The following NOL4 variants were observed in gnomAD, a reference collection of about 807,000 sequenced individuals.
NOL4 encodes cancer/testis antigen 125.
In NOL4, 17 loss-of-function variants were observed where a neutral mutation model predicts 75.9. The observed-to-expected ratio is 0.22, with a 90% CI of 0.15 to 0.34. The LOEUF (loss-of-function observed/expected upper bound fraction) is 0.34, where lower values mean the gene tolerates loss of function less well. Ranked by LOEUF, NOL4 falls within the 10% of genes least tolerant of loss-of-function variation. The probability of loss-of-function intolerance (pLI) is 1.00; values close to 1 mark genes in which losing one functional copy is unlikely to be tolerated. For missense variants in NOL4, 614 were observed against 793.5 expected (o/e 0.77, Z 2.72); for synonymous variants, 292 against 289.9 (o/e 1.01, Z -0.07).
chr18:33,964,374 C>T (rs543488011), intron 6 of NOL4, among the ~76,000 whole-genome samples: 12 of 151,584 alleles, frequency 7.9e-5, no homozygotes, highest in South Asian at 2.1e-4. Context: ...TGATCTAGCA[C>T]TGTGTGTCTT....
chr18:33,918,174 A>G (rs965031123), intron 9 of NOL4, among the ~76,000 whole-genome samples: 1 of 152,226 alleles, frequency 6.6e-6, no homozygotes, highest in African/African-American at 2.4e-5. Flanking sequence ...CAAAATGAGT[A>G]CTGATAGATT....
chr18:33,952,057 T>C (rs2069270130), intron 8 of NOL4, among the ~76,000 whole-genome samples: 1 of 152,200 alleles, frequency 6.6e-6, no homozygotes, highest in African/African-American at 2.4e-5. Flanking sequence ...TTCAGGTACC[T>C]GGAAATTTCC....
chr18:33,909,469 G>A (rs570349828), intron 9 of NOL4, among the ~76,000 whole-genome samples: 121 of 152,122 alleles, frequency 8.0e-4, no homozygotes, highest in South Asian at 3.5e-3. Context: ...CATTATATCC[G>A]AAACTGTGCA....
intron 6 of NOL4, among the ~76,000 whole-genome samples, chr18:33,981,758 A>G (rs2071980147): frequency 6.6e-6 from 1 of 152,146 alleles, no homozygotes; most frequent in African/African-American, 2.4e-5. Context: ...CATTAGAGGA[A>G]GCATAAGTGG....
At chr18:34,005,562 A>G (rs62097841) in intron 6 of NOL4, among the ~76,000 whole-genome samples, 6 of 151,916 alleles carry the variant, frequency 3.9e-5, no homozygotes, top group Non-Finnish European at 7.4e-5. Context: ...AAACTCCATA[A>G]TCTCAAAACT....
intron 1 of NOL4, among the ~76,000 whole-genome samples, chr18:34,168,894 G>A (rs1213213473): frequency 6.6e-6 from 1 of 151,608 alleles, no homozygotes; most frequent in African/African-American, 2.4e-5. Flanking sequence ...AAACAAGATA[G>A]ATATGACAAG....
chr18:33,983,651 CAT>C (rs1477134426), intron 6 of NOL4, among the ~76,000 whole-genome samples: 12 of 148,798 alleles, frequency 8.1e-5, no homozygotes, highest in Admixed American at 6.7e-4. Flanking sequence ...TGTATATACA[CAT>C]ATACACATAT....
intron 5 of NOL4, among the ~76,000 whole-genome samples, chr18:34,067,377 G>A (rs1029283704): frequency 6.6e-5 from 10 of 152,106 alleles, no homozygotes; most frequent in African/African-American, 1.9e-4. Context: ...TAAGAGATGA[G>A]AAACCCTGAA....
chr18:34,159,576 G>C (rs2031106617), intron 1 of NOL4, among the ~76,000 whole-genome samples: 1 of 152,072 alleles, frequency 6.6e-6, no homozygotes, highest in Non-Finnish European at 1.5e-5. Flanking sequence ...CCAAGAGCTT[G>C]AGAGTCCCCT....
chr18:33,923,321 T>A (rs1230178341), intron 9 of NOL4, among the ~76,000 whole-genome samples: 1 of 151,984 alleles, frequency 6.6e-6, no homozygotes, highest in Non-Finnish European at 1.5e-5. Context: ...AAAACTTTTA[T>A]CCTTTTTGTG....
At chr18:34,165,187 A>G (rs1453009458) in intron 1 of NOL4, among the ~76,000 whole-genome samples, 1 of 151,998 alleles carries the variant, frequency 6.6e-6, no homozygotes, top group Non-Finnish European at 1.5e-5. Flanking sequence ...ACATGTATAC[A>G]TATGTAACTA....
intron 10 of NOL4, among the ~76,000 whole-genome samples, chr18:33,860,408 T>G (rs563286366): frequency 1.3e-5 from 2 of 152,308 alleles, no homozygotes; most frequent in South Asian, 4.1e-4. Flanking sequence ...AAGTCTCATC[T>G]GAGACAAGGC....
intron 10 of NOL4, among the ~76,000 whole-genome samples, chr18:33,867,473 T>C (rs1398782415): frequency 6.6e-6 from 1 of 152,122 alleles, no homozygotes; most frequent in Non-Finnish European, 1.5e-5. Flanking sequence ...TTGCGGCCTA[T>C]TGATTTTCTG....
chr18:34,128,517 T>G (rs761857790), intron 2 of NOL4, among the ~76,000 whole-genome samples: 10 of 151,866 alleles, frequency 6.6e-5, no homozygotes, highest in Non-Finnish European at 1.3e-4. Context: ...AAAATGAGTA[T>G]GTTCAGTAAT....
chr18:33,870,002 T>G (rs1454437670), intron 10 of NOL4, among the ~76,000 whole-genome samples: 1 of 152,122 alleles, frequency 6.6e-6, no homozygotes, highest in Non-Finnish European at 1.5e-5. Flanking sequence ...ACCTTTGTTA[T>G]TAAGTTGCTT....
intron 6 of NOL4, among the ~76,000 whole-genome samples, chr18:33,991,162 A>T (rs1257036998): frequency 6.6e-6 from 1 of 151,874 alleles, no homozygotes; most frequent in African/African-American, 2.4e-5. Flanking sequence ...CAACTAGCTT[A>T]CCCCTCCACC....
At chr18:34,051,929 C>A (rs1240921940) in intron 5 of NOL4, among the ~76,000 whole-genome samples, 1 of 151,530 alleles carries the variant, frequency 6.6e-6, no homozygotes, top group Non-Finnish European at 1.5e-5. Context: ...ACATTTAATG[C>A]AAATTGATAA....
chr18:34,099,375 A>AAAAAAAAAAAAAAAAAAAAAC (rs1222045912), intron 4 of NOL4, among the ~76,000 whole-genome samples: 1 of 150,248 alleles, frequency 6.7e-6, no homozygotes, highest in African/African-American at 2.4e-5. Flanking sequence ...AAAAAAAAAA[A>AAAAAAAAAAAAAAAAAAAAAC]AAGACAACTA....
chr18:34,027,109 T>C (rs1034971897), intron 5 of NOL4, among the ~76,000 whole-genome samples: 13 of 152,196 alleles, frequency 8.5e-5, no homozygotes, highest in Non-Finnish European at 1.3e-4. Context: ...TGTCTCTCAG[T>C]GAAGGCAGGC....
Sources: allele counts gnomAD v4.1 joint callset (sites outside exome capture counted in the v4.1 genomes callset), GRCh38; gene constraint gnomAD v4.1.1; transcripts MANE v1.5; gene names NCBI Gene and HGNC (gene_info 2026-07-23, HGNC 2026-07-21).